CDH13: variants seen among roughly 807,000 people sequenced by gnomAD.
The protein encoded by CDH13 is cadherin-13.
In CDH13, 24 loss-of-function variants were observed where a neutral mutation model predicts 63.8. That is an observed-to-expected ratio of 0.38 (90% CI 0.27 to 0.53). The LOEUF is 0.53. Among genes scored for constraint, CDH13 ranks in the 20% least tolerant of loss-of-function variants. CDH13 has a pLI of 0.85. For synonymous variants in CDH13, 503 were observed against 355.3 expected, an observed-to-expected ratio of 1.42 and a Z score of -4.67; for missense variants, 1,049 against 903.1, an observed-to-expected ratio of 1.16 and a Z score of -2.07.
chr16:83,261,365 G>A (rs372448956), intron 5 of CDH13, among the ~76,000 whole-genome samples: 5 of 152,174 alleles, frequency 3.3e-5, no homozygotes, highest in East Asian at 3.9e-4. Context: ...ACCCTTCAGG[G>A]GAGAACTGGC....
intron 10 of CDH13, 64 bp downstream of exon 10, chr16:83,678,525 G>A (rs777588974): frequency 1.6e-5 from 25 of 1,586,666 alleles, no homozygotes; most frequent in East Asian, 6.8e-5. Flanking sequence ...CTTTCCAGTC[G>A]CAGAAGCTGG....
chr16:83,335,565 C>A (rs1199902601), intron 5 of CDH13, among the ~76,000 whole-genome samples: 3 of 152,060 alleles, frequency 2.0e-5, no homozygotes, highest in Non-Finnish European at 4.4e-5. Context: ...TGCCCAATTT[C>A]TGCCTCCAAA....
intron 7 of CDH13, among the ~76,000 whole-genome samples, chr16:83,550,563 A>G (rs2075471798): frequency 6.6e-6 from 1 of 152,200 alleles, no homozygotes; most frequent in South Asian, 2.1e-4. Flanking sequence ...CATGCATGCA[A>G]ACCAGCATGG....
intron 1 of CDH13, among the ~76,000 whole-genome samples, chr16:82,690,727 G>C (rs1406399425): frequency 6.6e-6 from 1 of 152,212 alleles, no homozygotes; most frequent in Non-Finnish European, 1.5e-5. Context: ...AAAGAAACAT[G>C]GTAGATATCC....
At chr16:82,940,381 T>G (rs1458386847) in intron 2 of CDH13, among the ~76,000 whole-genome samples, 1 of 152,192 alleles carries the variant, frequency 6.6e-6, no homozygotes, top group Non-Finnish European at 1.5e-5. Flanking sequence ...AATGAGCTAA[T>G]AAACATCACT....
chr16:82,843,545 G>A (rs960851200), intron 1 of CDH13, among the ~76,000 whole-genome samples: 1 of 151,884 alleles, frequency 6.6e-6, no homozygotes, highest in African/African-American at 2.4e-5. Flanking sequence ...TTTTCTTCTA[G>A]AACTTTTCAG....
chr16:82,758,003 T>C (rs78753294), intron 1 of CDH13, among the ~76,000 whole-genome samples: 1,635 of 152,288 alleles, frequency 0.011, 32 homozygotes, highest in African/African-American at 0.038. Flanking sequence ...GAAATCTCTC[T>C]GGCAAGTGTG....
chr16:83,184,233 C>G (rs2038442620), intron 4 of CDH13, among the ~76,000 whole-genome samples: 1 of 151,882 alleles, frequency 6.6e-6, no homozygotes. Flanking sequence ...TCTAGAGGCT[C>G]ATGAGGGCCA....
chr16:83,406,425 C>G (rs1448096718), intron 6 of CDH13, among the ~76,000 whole-genome samples: 6 of 135,446 alleles, frequency 4.4e-5, no homozygotes, highest in African/African-American at 1.1e-4. Context: ...TTTCCCCCCC[C>G]GCCTCTCTCT....
intron 2 of CDH13, among the ~76,000 whole-genome samples, chr16:83,001,956 G>T (rs1283069986): frequency 2.0e-5 from 3 of 152,176 alleles, no homozygotes; most frequent in African/African-American, 7.2e-5. Flanking sequence ...CAAAAAAGGA[G>T]CTCACCTTAA....
At chr16:83,620,087 G>A (rs1275680590) in intron 8 of CDH13, among the ~76,000 whole-genome samples, 1 of 151,844 alleles carries the variant, frequency 6.6e-6, no homozygotes, top group East Asian at 1.9e-4. Flanking sequence ...GACATTGGCA[G>A]ATGTTAAAAG....
At chr16:82,830,252 A>G (rs887358336) in intron 1 of CDH13, among the ~76,000 whole-genome samples, 4 of 152,204 alleles carry the variant, frequency 2.6e-5, no homozygotes, top group Admixed American at 2.6e-4. Context: ...ACTTATCAAT[A>G]ACTCCATTCA....
chr16:82,775,229 A>G (rs1017054698), intron 1 of CDH13, among the ~76,000 whole-genome samples: 2 of 152,216 alleles, frequency 1.3e-5, no homozygotes, highest in Non-Finnish European at 2.9e-5. Context: ...AGCACACTAT[A>G]TGGCACTCAG....
In CDH13 at chr16:82,671,866, A is replaced by C. The variant is rs192291439; in HGVS notation, c.45+44729A>C. ...GGCAGATATGTCCAAGAATAAAGAA[A>C]AGAGAAAGTTGCGCACCTGAGAAGT... is the stretch of plus-strand genomic sequence containing the variant. On this transcript the variant is annotated intron_variant, in intron 1 of 13. Transcript: ENST00000567109. Among the ~76,000 whole-genome samples, 932 of 152,294 alleles carry C rather than the reference A, an allele frequency of 6.1e-3. 2 individuals are homozygous for C. Among genetic ancestry groups the C allele is most frequent in the Non-Finnish European group, 8.9e-3 (605 of 68,030 alleles).
intron 6 of CDH13, among the ~76,000 whole-genome samples, chr16:83,446,943 C>T (rs1195390303): frequency 1.3e-5 from 2 of 150,260 alleles, no homozygotes; most frequent in Admixed American, 6.7e-5. Flanking sequence ...TGATTTATTT[C>T]CTTAGAGTGA....
chr16:83,061,808 C>T (rs1019128227), intron 3 of CDH13, among the ~76,000 whole-genome samples: 1 of 152,182 alleles, frequency 6.6e-6, no homozygotes. Flanking sequence ...CTCAGTCTCC[C>T]AGCAAAATTG....
At chr16:83,553,342 C>G (rs1002134740) in intron 7 of CDH13, among the ~76,000 whole-genome samples, 1 of 152,110 alleles carries the variant, frequency 6.6e-6, no homozygotes, top group South Asian at 2.1e-4. Flanking sequence ...ACAGGAAATA[C>G]AAAAGTTATA....
intron 11 of CDH13, among the ~76,000 whole-genome samples, chr16:83,759,762 AC>A (rs1247392087): frequency 6.6e-6 from 1 of 152,004 alleles, no homozygotes; most frequent in African/African-American, 2.4e-5. Context: ...CCTTATCTTT[AC>A]AAAAAATAAA....
At chr16:83,468,740 A>G (rs1341869905) in intron 6 of CDH13, among the ~76,000 whole-genome samples, 1 of 152,174 alleles carries the variant, frequency 6.6e-6, no homozygotes, top group Non-Finnish European at 1.5e-5. Context: ...CTGCCTATAA[A>G]TCATCGTCCT....
Sources: gnomAD v4.1 joint callset for allele counts (sites outside exome capture counted in the v4.1 genomes callset) on GRCh38, gnomAD v4.1.1 for gene constraint, MANE v1.5 for transcripts, NCBI Gene and HGNC (gene_info 2026-07-23, HGNC 2026-07-21) for gene names.